The following SETBP1 variants were observed in gnomAD, a reference collection of about 807,000 sequenced individuals.
SETBP1 encodes SET-binding protein.
SETBP1 carries 9 observed loss-of-function variants against 101.0 expected under a neutral mutation model. The observed-to-expected ratio is 0.09, with a 90% confidence interval of 0.05 to 0.16. The LOEUF is 0.16. SETBP1 is among the 10% of genes least tolerant of loss of function. SETBP1 has a pLI of 1.00. For synonymous variants in SETBP1, 818 were observed against 788.5 expected, an observed-to-expected ratio of 1.04 and a Z score of -0.63; for missense variants, 1,858 against 2,033.8, an observed-to-expected ratio of 0.91 and a Z score of 1.66.
At chr18:44,851,997 T>C (rs889989040) in intron 2 of SETBP1, among the ~76,000 whole-genome samples, 1 of 152,060 alleles carries the variant, frequency 6.6e-6, no homozygotes, top group African/African-American at 2.4e-5. Context: ...GTGCAGGCGG[T>C]TCTAGGAAGC....
chr18:44,923,022 C>T (rs74440919), intron 3 of SETBP1, among the ~76,000 whole-genome samples: 244 of 152,232 alleles, frequency 1.6e-3, no homozygotes, highest in African/African-American at 4.5e-3. Flanking sequence ...TGAAAAGAGC[C>T]GCTTGGCTAA....
chr18:44,872,492 G>GC (rs2069299876), intron 3 of SETBP1, among the ~76,000 whole-genome samples: 1 of 152,070 alleles, frequency 6.6e-6, no homozygotes. Flanking sequence ...AGCTAGCCAT[G>GC]CTTGCACTAG....
intron 4 of SETBP1, among the ~76,000 whole-genome samples, chr18:44,964,427 A>G (rs542011009): frequency 1.3e-5 from 2 of 152,292 alleles, no homozygotes; most frequent in East Asian, 1.9e-4. Flanking sequence ...TACATGTGTC[A>G]TAGTCCTACA....
At chr18:44,852,565 ATATCATT>A (rs1160344245) in intron 2 of SETBP1, among the ~76,000 whole-genome samples, 1 of 152,128 alleles carries the variant, frequency 6.6e-6, no homozygotes, top group Non-Finnish European at 1.5e-5. Flanking sequence ...ATTCTCACTA[ATATCATT>A]TATTGGTATA....
intron 4 of SETBP1, among the ~76,000 whole-genome samples, chr18:45,032,203 G>A (rs2073310688): frequency 3.3e-5 from 5 of 152,100 alleles, no homozygotes; most frequent in Admixed American, 2.0e-4. Flanking sequence ...ATAATAAATG[G>A]ATGAAAGGAG....
At chr18:44,880,213 G>A (rs986072300) in intron 3 of SETBP1, among the ~76,000 whole-genome samples, 4 of 152,208 alleles carry the variant, frequency 2.6e-5, no homozygotes, top group African/African-American at 4.8e-5. Flanking sequence ...AAAAATAAGA[G>A]ATGATTCAAG....
chr18:44,793,796 C>T (rs1185983092), intron 2 of SETBP1, among the ~76,000 whole-genome samples: 3 of 152,190 alleles, frequency 2.0e-5, no homozygotes, highest in African/African-American at 7.2e-5. Flanking sequence ...TTTTAATTAT[C>T]CAATTAGGAA....
chr18:44,747,487 C>G (rs185035401), intron 2 of SETBP1, among the ~76,000 whole-genome samples: 5 of 152,362 alleles, frequency 3.3e-5, no homozygotes, highest in Admixed American at 6.5e-5. Context: ...CCACACAGCT[C>G]GAGAATGGCA....
At chr18:44,826,588 T>C (rs1477350621) in intron 2 of SETBP1, among the ~76,000 whole-genome samples, 2 of 151,920 alleles carry the variant, frequency 1.3e-5, no homozygotes, top group Non-Finnish European at 2.9e-5. Flanking sequence ...ACGGGAGAGC[T>C]AGCAAGAGCA....
intron 4 of SETBP1, among the ~76,000 whole-genome samples, chr18:45,028,785 G>T (rs2073226585): frequency 6.6e-6 from 1 of 152,130 alleles, no homozygotes; most frequent in Non-Finnish European, 1.5e-5. Context: ...TTTTTCATGT[G>T]TTTTTTGGCT....
chr18:44,792,102 G>A (rs942476480), intron 2 of SETBP1, among the ~76,000 whole-genome samples: 2 of 152,070 alleles, frequency 1.3e-5, no homozygotes, highest in Non-Finnish European at 2.9e-5. Flanking sequence ...GATTTAATTT[G>A]TATAAAGTAC....
Position 45,038,525 on chromosome 18 carries a change from G to A in SETBP1, c.4041G>A (p.Val1347=), listed in dbSNP as rs746672348. ...ACTTAAAAGTGGACCAGACAGCAGT[G>A]CATAGTAAGAACGAAGGCTCAGTGC... ...SPHLKVDQTA[V]HSKNEGSVPT... is the part of the protein sequence containing the mutation. The change falls in exon 5 of 6, where the codon GTG becomes GTA. Residue 1347 remains valine, a synonymous_variant. Coordinates refer to ENST00000649279, the MANE Select transcript of SETBP1 (RefSeq NM_015559.3). 1.9e-6 allele frequency: 3 copies of A among 1,614,178 alleles called. No individual in the cohort carries two copies. The East Asian group carries it at 6.7e-5, about 36-fold the overall frequency.
At position 44,950,734 on chromosome 18, in the gene SETBP1, C is replaced by G; in HGVS notation, c.1394C>G (p.Pro465Arg). The change falls in exon 4 of 6, where the codon CCT becomes CGT. Residue 465 changes from proline (P) to arginine (R), a missense_variant. Around this residue, in one of 12 missense-constraint regions of SETBP1, gnomAD observed 581 missense variants for 535.1 expected, o/e 1.09. Coordinates refer to ENST00000649279, the MANE Select transcript of SETBP1 (RefSeq NM_015559.3). ...GGGAATAAGAAGGATCCCCGTGTCC[C>G]TAAGTTGAGTAAAATGATAGAGAAT... ...SEGNKKDPRV[P>R]KLSKMIENES... 1 of 1,614,090 alleles carries G rather than the reference C, an allele frequency of 6.2e-7. No individual in the cohort carries two copies. Among genetic ancestry groups the G allele is most frequent in the Non-Finnish European group, 8.5e-7 (1 of 1,180,014 alleles).
intron 2 of SETBP1, among the ~76,000 whole-genome samples, chr18:44,864,951 T>A (rs1750463311): frequency 6.6e-6 from 1 of 151,970 alleles, no homozygotes; most frequent in Admixed American, 6.6e-5. Flanking sequence ...GAGAAGGGTC[T>A]AGGATGTGCG....
At chr18:44,725,438 G>A (rs1189113461) in intron 2 of SETBP1, among the ~76,000 whole-genome samples, 1 of 152,106 alleles carries the variant, frequency 6.6e-6, no homozygotes, top group Non-Finnish European at 1.5e-5. Flanking sequence ...CTGGGTTTGG[G>A]GAAGTAGTTA....
chr18:44,992,467 T>G (rs746336207), intron 4 of SETBP1, among the ~76,000 whole-genome samples: 1 of 151,948 alleles, frequency 6.6e-6, no homozygotes, highest in South Asian at 2.1e-4. Context: ...AGGGGAAGGA[T>G]AGAATGCAAA....
At chr18:44,926,102 T>G (rs1193656774) in intron 3 of SETBP1, among the ~76,000 whole-genome samples, 1 of 152,138 alleles carries the variant, frequency 6.6e-6, no homozygotes, top group Admixed American at 6.5e-5. Flanking sequence ...GGGGTCTCAC[T>G]CTGTCACCCA....
At chr18:45,021,248 A>G (rs1568032757) in intron 4 of SETBP1, among the ~76,000 whole-genome samples, 1 of 152,236 alleles carries the variant, frequency 6.6e-6, no homozygotes, top group Non-Finnish European at 1.5e-5. Context: ...TTAGTAAAAC[A>G]ATTTAGTTTT....
chr18:45,065,540 T>A lies in SETBP1; in HGVS notation c.*1842T>A, dbSNP rs2073955513. ...ATAAAAGAATAAGTGATGGGGTATC[T>A]ATGTGAGTAAATTTTTAAATTCCAA... On this transcript the variant is annotated 3_prime_UTR_variant, in exon 6 of 6. Coordinates refer to ENST00000649279, the MANE Select transcript of SETBP1 (RefSeq NM_015559.3). The A allele has an allele frequency of 6.6e-6, 1 of 152,234 alleles. No homozygotes were observed. 9.4% of individuals were successfully genotyped at this position (152,234 alleles called of 1,614,324 possible).
Sources: allele counts gnomAD v4.1 joint callset (sites outside exome capture counted in the v4.1 genomes callset), GRCh38; gene constraint gnomAD v4.1.1; regional missense constraint gnomAD v4.1.1; transcripts MANE v1.5; gene names NCBI Gene and HGNC (gene_info 2026-07-23, HGNC 2026-07-21).